The following ADCY8 variants were observed in gnomAD, a reference collection of about 807,000 sequenced individuals.
The protein encoded by ADCY8 is adenylate cyclase type 8.
Under a neutral mutation model 119.7 loss-of-function variants are expected in ADCY8, and 51 were observed. That is an observed-to-expected ratio of 0.43 (90% CI 0.34 to 0.54). The LOEUF (loss-of-function observed/expected upper bound fraction) is 0.54. ADCY8 is among the 20% of genes least tolerant of loss of function. The probability of loss-of-function intolerance (pLI) is 0.03; values close to 1 mark genes in which losing one functional copy is unlikely to be tolerated. For missense variants in ADCY8, 1,383 were observed against 1,598.8 expected (o/e 0.87, Z 2.30); for synonymous variants, 665 against 651.0 (o/e 1.02, Z -0.33).
intron 10 of ADCY8, among the ~76,000 whole-genome samples, chr8:130,848,607 G>A (rs1005946847): frequency 7.2e-5 from 11 of 152,164 alleles, no homozygotes; most frequent in African/African-American, 2.7e-4. Context: ...GGAGTCTATA[G>A]CTTGGGTCCC....
At chr8:130,788,968 G>A (rs1259594081) in intron 15 of ADCY8, among the ~76,000 whole-genome samples, 3 of 152,130 alleles carry the variant, frequency 2.0e-5, no homozygotes, top group African/African-American at 7.2e-5. Flanking sequence ...TCTGGAAAAT[G>A]CAGAGTAACC....
chr8:130,940,505 A>G (rs1445594598), intron 4 of ADCY8, among the ~76,000 whole-genome samples: 1 of 151,742 alleles, frequency 6.6e-6, no homozygotes, highest in African/African-American at 2.4e-5. Context: ...ATATAAAATT[A>G]TTTTATACAA....
chr8:130,816,218 ATTT>A (rs1234878421), intron 13 of ADCY8, among the ~76,000 whole-genome samples: 2 of 152,152 alleles, frequency 1.3e-5, no homozygotes, highest in East Asian at 3.9e-4. Flanking sequence ...CCAAATGTTC[ATTT>A]TGTTGGCTGA....
intron 7 of ADCY8, among the ~76,000 whole-genome samples, chr8:130,901,593 C>A (rs764743587): frequency 6.6e-6 from 1 of 152,142 alleles, no homozygotes; most frequent in Non-Finnish European, 1.5e-5. Flanking sequence ...CTTCCAGGGA[C>A]AAATTATGTC....
At chr8:130,969,845 G>T (rs747885459) in intron 2 of ADCY8, among the ~76,000 whole-genome samples, 1 of 152,186 alleles carries the variant, frequency 6.6e-6, no homozygotes, top group African/African-American at 2.4e-5. Flanking sequence ...GAAGATTAGG[G>T]ACTTGCCTAA....
intron 1 of ADCY8, among the ~76,000 whole-genome samples, chr8:130,992,788 A>G (rs573633095): frequency 2.0e-5 from 3 of 151,790 alleles, no homozygotes; most frequent in Admixed American, 2.0e-4. Flanking sequence ...CCTAACATAC[A>G]TATAATTGGA....
At chr8:130,967,476 C>T (rs777116323) in intron 2 of ADCY8, among the ~76,000 whole-genome samples, 1 of 152,194 alleles carries the variant, frequency 6.6e-6, no homozygotes, top group Non-Finnish European at 1.5e-5. Context: ...AGAACAATAC[C>T]TGTCTCCCAG....
intron 9 of ADCY8, among the ~76,000 whole-genome samples, chr8:130,854,872 C>G (rs1333606419): frequency 1.5e-5 from 2 of 136,388 alleles, no homozygotes; most frequent in Non-Finnish European, 3.1e-5. Flanking sequence ...AGGTCACTAC[C>G]TCTCTTTCTT....
At chr8:130,980,320 T>A (rs1822201879) in intron 2 of ADCY8, among the ~76,000 whole-genome samples, 1 of 152,174 alleles carries the variant, frequency 6.6e-6, no homozygotes. Context: ...ACATGCATTT[T>A]AGGGGGACAC....
At chr8:130,933,825 TC>T (rs1201844087) in intron 5 of ADCY8, among the ~76,000 whole-genome samples, 14 of 152,236 alleles carry the variant, frequency 9.2e-5, no homozygotes, top group Non-Finnish European at 1.8e-4. Context: ...CTGTAACATA[TC>T]TTTTACTTAA....
rs568531631 is a variant in ADCY8, at chr8:130,992,540, G to A, written c.961-1998C>T. Among the ~76,000 whole-genome samples the A allele has an allele frequency of 1.6e-4, 24 of 151,050 alleles. No individual in the cohort carries two copies. The South Asian group carries it at 4.6e-3, about 29-fold the overall frequency. On this transcript the variant is annotated intron_variant, in intron 1 of 17. Transcript: ENST00000286355. ...AGCAATTCTCCTGCCTCAGCCTCCC[G>A]AGTAGCTGGGATTACAGGTGTTTAC... is the stretch of plus-strand genomic sequence containing the variant.
intron 1 of ADCY8, among the ~76,000 whole-genome samples, chr8:131,038,363 T>A (rs1168980971): frequency 1.3e-5 from 2 of 152,212 alleles, no homozygotes; most frequent in African/African-American, 2.4e-5. Context: ...AGCCATCTGT[T>A]TGAAAACACT....
chr8:130,932,884 T>G (rs1026520106), intron 5 of ADCY8, among the ~76,000 whole-genome samples: 3 of 152,324 alleles, frequency 2.0e-5, no homozygotes, highest in Admixed American at 1.3e-4. Flanking sequence ...TTTGGAATGA[T>G]CAGTGAGTAA....
intron 8 of ADCY8, among the ~76,000 whole-genome samples, chr8:130,869,619 T>G (rs1367991764): frequency 2.7e-5 from 4 of 150,450 alleles, no homozygotes; most frequent in African/African-American, 7.4e-5. Context: ...CCAGGTTCAC[T>G]CCATTCTCCT....
chr8:130,795,721 T>A (rs1273670208), intron 15 of ADCY8, among the ~76,000 whole-genome samples: 1 of 152,110 alleles, frequency 6.6e-6, no homozygotes, highest in Admixed American at 6.5e-5. Context: ...ACTTGGAAAA[T>A]TCCTCCTTGA....
chr8:130,933,606 GT>G (rs981571231), intron 5 of ADCY8, among the ~76,000 whole-genome samples: 2 of 152,158 alleles, frequency 1.3e-5, no homozygotes, highest in African/African-American at 2.4e-5. Flanking sequence ...TCAAGGAGTT[GT>G]TTGGATATCA....
chr8:130,964,682 T>C (rs10755934), intron 2 of ADCY8, among the ~76,000 whole-genome samples: 119,285 of 152,192 alleles, frequency 0.78, 50,173 homozygotes, highest in East Asian at 0.95. Flanking sequence ...ACTAGAAATA[T>C]TAACTAATGC....
Position 130,836,404 on chromosome 8 carries a change from A to G in ADCY8, c.2548T>C (p.Phe850Leu). 1 of 1,613,990 alleles carries G rather than the reference A, an allele frequency of 6.2e-7. No individual in the cohort carries two copies. The highest frequency in any genetic ancestry group is 8.5e-7 in the Non-Finnish European group (1 of 1,179,916). ...GVLAMVTCAV[F>L]LRLNSVLKLA... ...TTCAGGACGGAGTTCAGCCGGAGGA[A>G]AACTGCACAGGTCACCATGGCCAAC... Residue 850 changes from phenylalanine (F) to leucine (L), a missense_variant, in exon 12 of 18, where the codon TTC (phenylalanine) becomes CTC (leucine). By Grantham distance (22) the Phe-to-Leu change is conservative (BLOSUM62 0). This residue lies in a region of ADCY8 where 928 missense variants were observed against 1,163.5 expected (regional missense o/e 0.80). Transcript: ENST00000286355.
intron 1 of ADCY8, among the ~76,000 whole-genome samples, chr8:131,008,594 A>G (rs908749568): frequency 3.9e-5 from 6 of 152,138 alleles, no homozygotes; most frequent in African/African-American, 1.4e-4. Context: ...ATTTCTTCAT[A>G]GTAGTGTGAG....
Sources: allele counts gnomAD v4.1 joint callset (sites outside exome capture counted in the v4.1 genomes callset), GRCh38; gene constraint gnomAD v4.1.1; regional missense constraint gnomAD v4.1.1; transcripts MANE v1.5; gene names NCBI Gene and HGNC (gene_info 2026-07-23, HGNC 2026-07-21).